EFHD1: variants seen among roughly 807,000 people sequenced by gnomAD.
The protein encoded by EFHD1 is EF-hand domain family member D1.
In EFHD1, 10 loss-of-function variants were observed where a neutral mutation model predicts 17.2. That is an observed-to-expected ratio of 0.58 (90% CI 0.36 to 0.99). The LOEUF is 0.99. Among genes scored for constraint, EFHD1 ranks in the 50% least tolerant of loss-of-function variants. EFHD1 has a pLI of 0.01. For synonymous variants in EFHD1, 153 were observed against 142.0 expected (o/e 1.08, Z -0.55); for missense variants, 310 against 327.5 (o/e 0.95, Z 0.41).
At chr2:232,651,828 C>CAAACA (rs1341931606) in intron 1 of EFHD1, among the ~76,000 whole-genome samples, 1 of 151,984 alleles carries the variant, frequency 6.6e-6, no homozygotes, top group African/African-American at 2.4e-5. Flanking sequence ...TCTCAAAAAA[C>CAAACA]AAACAAAACA....
chr2:232,681,528 T>A, intron 3 of EFHD1, 57 bp from the exon 4 acceptor site: 1 of 1,583,572 alleles, frequency 6.3e-7, no homozygotes, highest in Non-Finnish European at 8.6e-7. Flanking sequence ...TGTCAGCAGC[T>A]CCAGGGTCCT....
intron 1 of EFHD1, among the ~76,000 whole-genome samples, chr2:232,614,057 T>TACACATGCACACATACATATAC (rs1553594263): frequency 5.3e-5 from 8 of 150,008 alleles, no homozygotes; most frequent in Non-Finnish European, 7.4e-5. Flanking sequence ...CACACATACA[T>TACACATGCACACATACATATAC]ACACATGCAC....
At chr2:232,681,471 C>T in intron 3 of EFHD1, 114 bp from the exon 4 acceptor site, 1 of 1,457,442 alleles carries the variant, frequency 6.9e-7, no homozygotes. Context: ...CTCCGTGGGC[C>T]CACATTCCCT....
Position 232,682,682 on chromosome 2 carries a change from G to T in EFHD1, c.*963G>T, listed in dbSNP as rs983849222. On this transcript the variant is annotated 3_prime_UTR_variant, in exon 4 of 4. Coordinates refer to ENST00000264059, the MANE Select transcript of EFHD1 (RefSeq NM_025202.4). Reference sequence around the variant, plus strand: ...TTGGGGTTGCTCACAAATACTAGGGGTTTTTGTTGTATTTTTAACAAATAT... The same window carrying T: ...TTGGGGTTGCTCACAAATACTAGGGTTTTTTGTTGTATTTTTAACAAATAT... The T allele has an allele frequency of 3.3e-5, 5 of 152,064 alleles. No homozygotes were observed. The highest frequency in any genetic ancestry group is 1.2e-4 in the African/African-American group (5 of 41,416). The allele number at this position is 152,064 out of a possible 1,614,324, so 9.4% of individuals were successfully genotyped here. A position where few individuals can be genotyped will look rare whatever the true frequency, so the allele number is the denominator to read the frequency against.
Position 232,633,629 on chromosome 2 carries a change from C to T in EFHD1, c.-76C>T. ...GGAGTGTTGTAGAGCCTCGAGCCTG[C>T]GAGGAGCGCGCCGCCCGCCAGCTCC... On this transcript the variant is annotated 5_prime_UTR_variant, in exon 1 of 4. Transcript: ENST00000264059. The T allele has an allele frequency of 1.5e-6, 2 of 1,353,204 alleles. No homozygotes were observed. The highest frequency in any genetic ancestry group is 1.9e-6 in the Non-Finnish European group (2 of 1,061,882). The allele number at this position is 1,353,204 out of a possible 1,614,324, so 83.8% of individuals were successfully genotyped here. A position where few individuals can be genotyped will look rare whatever the true frequency, so the allele number is the denominator to read the frequency against.
chr2:232,641,411 G>A (rs1013698171), intron 1 of EFHD1, among the ~76,000 whole-genome samples: 1 of 152,188 alleles, frequency 6.6e-6, no homozygotes, highest in African/African-American at 2.4e-5. Flanking sequence ...CACTGGAAGG[G>A]AGGTACTCTG....
At chr2:232,645,822 G>A (rs932916956) in intron 1 of EFHD1, among the ~76,000 whole-genome samples, 4 of 152,130 alleles carry the variant, frequency 2.6e-5, no homozygotes, top group Non-Finnish European at 4.4e-5. Flanking sequence ...CAGGGAACTC[G>A]CCTAAAGTCA....
chr2:232,616,290 G>A (rs1693927620), intron 1 of EFHD1, among the ~76,000 whole-genome samples: 1 of 151,844 alleles, frequency 6.6e-6, no homozygotes, highest in African/African-American at 2.4e-5. Flanking sequence ...AATACTGCAC[G>A]ATACCACTTT....
At chr2:232,649,485 G>A (rs1325304416) in intron 1 of EFHD1, among the ~76,000 whole-genome samples, 1 of 152,188 alleles carries the variant, frequency 6.6e-6, no homozygotes, top group Non-Finnish European at 1.5e-5. Flanking sequence ...ATGGCAGGTG[G>A]CGGATTTGGG....
At chr2:232,665,861 G>A (rs527941926) in intron 2 of EFHD1, among the ~76,000 whole-genome samples, 1 of 152,306 alleles carries the variant, frequency 6.6e-6, no homozygotes, top group Admixed American at 6.5e-5. Context: ...TTCCAGAAAT[G>A]TTGGAGTACT....
intron 1 of EFHD1, among the ~76,000 whole-genome samples, chr2:232,613,732 A>G (rs1200345636): frequency 6.6e-6 from 1 of 151,126 alleles, no homozygotes; most frequent in Non-Finnish European, 1.5e-5. Context: ...ACACACATAT[A>G]CGCACACACA....
intron 1 of EFHD1, among the ~76,000 whole-genome samples, chr2:232,644,993 A>G (rs1170271504): frequency 1.5e-5 from 2 of 135,824 alleles, no homozygotes; most frequent in Non-Finnish European, 3.1e-5. Flanking sequence ...GTTGCCCTGG[A>G]TGGTCTTGAA....
intron 1 of EFHD1, among the ~76,000 whole-genome samples, chr2:232,607,351 C>T (rs1220648499): frequency 1.3e-5 from 2 of 151,104 alleles, no homozygotes; most frequent in South Asian, 4.2e-4. Flanking sequence ...TTTGGGGGGC[C>T]GAGGCGGGTG....
upstream of EFHD1, among the ~76,000 whole-genome samples, chr2:232,630,880 A>AT (rs909597220): frequency 8.5e-5 from 13 of 152,112 alleles, no homozygotes; most frequent in Admixed American, 2.0e-4. Flanking sequence ...GAGCTGTTAG[A>AT]TTTTTTTAAC....
At chr2:232,660,851 A>G (rs1229614872) in intron 1 of EFHD1, among the ~76,000 whole-genome samples, 2 of 152,058 alleles carry the variant, frequency 1.3e-5, no homozygotes, top group Admixed American at 6.6e-5. Flanking sequence ...GGTGGCACAC[A>G]CTTGTAATCC....
chr2:232,615,267 TG>T (rs971339182), intron 1 of EFHD1, among the ~76,000 whole-genome samples: 3 of 151,080 alleles, frequency 2.0e-5, no homozygotes, highest in African/African-American at 7.3e-5. Context: ...TTTTTACTGT[TG>T]GGGGGGCATC....
intron 1 of EFHD1, chr2:232,661,724 T>TC (rs1430998146): frequency 2.1e-5 from 3 of 143,978 alleles, no homozygotes; most frequent in Admixed American, 7.1e-5. Flanking sequence ...CATGCCCAGC[T>TC]AATTTTTGTA....
rs770395293 is a variant in EFHD1, at chr2:232,657,642, T to C, written c.303-5160T>C. 2.8e-4 allele frequency among the ~76,000 whole-genome samples: 42 copies of C among 151,752 alleles called. 1 individual carries two copies. The highest frequency in any genetic ancestry group is 5.2e-4 in the Non-Finnish European group (35 of 67,956). ...CTGGCCAACATGATGAAACCCTGTCTCTACTAAAAATACAAAAAATTAGCC... is the reference window on the plus strand; with the variant it reads ...CTGGCCAACATGATGAAACCCTGTCCCTACTAAAAATACAAAAAATTAGCC... On this transcript the variant is annotated intron_variant, in intron 1 of 3. Transcript: ENST00000264059.
At chr2:232,612,738 T>C (rs1180320019) in intron 1 of EFHD1, among the ~76,000 whole-genome samples, 1 of 150,112 alleles carries the variant, frequency 6.7e-6, no homozygotes, top group East Asian at 1.9e-4. Flanking sequence ...TCTTTTCTTT[T>C]TTTTTTTTTT....
Sources: gnomAD v4.1 joint callset for allele counts (sites outside exome capture counted in the v4.1 genomes callset) on GRCh38, gnomAD v4.1.1 for gene constraint, MANE v1.5 for transcripts, NCBI Gene and HGNC (gene_info 2026-07-23, HGNC 2026-07-21) for gene names.